The following MACO1 variants were observed in gnomAD, a reference collection of about 807,000 sequenced individuals.
MACO1 encodes the protein macoilin.
A neutral mutation model predicts 78.7 loss-of-function variants in MACO1; 14 were observed. The ratio of observed to expected loss-of-function variants is 0.18; its 90% confidence interval spans 0.12 to 0.28. MACO1 has a LOEUF of 0.28. MACO1 is among the 10% of genes least tolerant of loss of function. MACO1 has a pLI of 1.00. For missense variants in MACO1, 501 were observed against 799.0 expected (o/e 0.63, Z 4.50); for synonymous variants, 288 against 291.6 (o/e 0.99, Z 0.12).
At chr1:25,438,293 C>T (rs1375813066) in intron 1 of MACO1, among the ~76,000 whole-genome samples, 3 of 152,182 alleles carry the variant, frequency 2.0e-5, no homozygotes, top group Non-Finnish European at 4.4e-5. Context: ...ATTAGAAATT[C>T]ATTTCATAAG....
intron 1 of MACO1, among the ~76,000 whole-genome samples, chr1:25,435,635 C>G (rs1478935643): frequency 1.3e-5 from 2 of 152,166 alleles, no homozygotes; most frequent in African/African-American, 4.8e-5. Context: ...TACATGTGTT[C>G]TGCAACTGAA....
At chr1:25,431,403 G>T (rs1370461867) in intron 1 of MACO1, among the ~76,000 whole-genome samples, 1 of 147,618 alleles carries the variant, frequency 6.8e-6, no homozygotes, top group Non-Finnish European at 1.5e-5. Flanking sequence ...CGCGGCGGGC[G>T]CTGGCTGAGG....
chr1:25,460,794 G>A (rs1364989360), intron 6 of MACO1, among the ~76,000 whole-genome samples: 2 of 152,134 alleles, frequency 1.3e-5, no homozygotes, highest in African/African-American at 4.8e-5. Context: ...CACCTAAGGA[G>A]TATGCTGCTT....
At chr1:25,470,606 TAACA>T (rs1282796286) in intron 6 of MACO1, among the ~76,000 whole-genome samples, 3 of 152,178 alleles carry the variant, frequency 2.0e-5, no homozygotes, top group Admixed American at 2.0e-4. Flanking sequence ...GTGGGAAAGA[TAACA>T]AACAATTATC....
At chr1:25,490,759 T>C (rs1326210288) in intron 9 of MACO1, among the ~76,000 whole-genome samples, 1 of 152,176 alleles carries the variant, frequency 6.6e-6, no homozygotes, top group Non-Finnish European at 1.5e-5. Flanking sequence ...ATCATTTAGT[T>C]TTTAAAAGAC....
At chr1:25,493,292 G>A (rs2043503296) in intron 10 of MACO1, among the ~76,000 whole-genome samples, 1 of 152,184 alleles carries the variant, frequency 6.6e-6, no homozygotes, top group Non-Finnish European at 1.5e-5. Flanking sequence ...AGGCTGGAGT[G>A]CAGTGGCACA....
rs531519104 is a variant in MACO1 at position 25,437,362 on chromosome 1, G to T, written c.80+6184G>T. On this transcript the variant is annotated intron_variant, in intron 1 of 10. Transcript: ENST00000374343. ...TATAAAGATGGAGTCTCGCCGTGTT[G>T]TATAGGCTGGTCTTGAACTCCTGGG... 1.2e-4 allele frequency among the ~76,000 whole-genome samples: 15 copies of T among 127,192 alleles called. No individual in the cohort carries two copies. The South Asian group carries it at 1.8e-3, about 15-fold the overall frequency. The allele number at this position is 127,192 out of a possible 152,430, so 83.4% of individuals were successfully genotyped here. A position where few individuals can be genotyped will look rare whatever the true frequency, so the allele number is the denominator to read the frequency against.
intron 8 of MACO1, among the ~76,000 whole-genome samples, chr1:25,486,389 G>A (rs2043431950): frequency 6.6e-6 from 1 of 152,056 alleles, no homozygotes; most frequent in Admixed American, 6.6e-5. Flanking sequence ...GTACCCCTGT[G>A]TGCAAGTATT....
chr1:25,456,927 T>C (rs960649460), intron 5 of MACO1, 96 bp downstream of exon 5: 1 of 1,323,568 alleles, frequency 7.6e-7, no homozygotes, highest in Non-Finnish European at 1.0e-6. Context: ...TAGGATTTTG[T>C]TTTTTTCTGT....
intron 9 of MACO1, among the ~76,000 whole-genome samples, chr1:25,490,370 C>T (rs2043473953): frequency 6.6e-6 from 1 of 152,140 alleles, no homozygotes; most frequent in Non-Finnish European, 1.5e-5. Flanking sequence ...AATATAAACT[C>T]ACCAATCATC....
chr1:25,497,592 A>G (rs2043548961), intron 10 of MACO1, among the ~76,000 whole-genome samples: 3 of 152,132 alleles, frequency 2.0e-5, no homozygotes, highest in Admixed American at 6.5e-5. Flanking sequence ...GTGTGCTGGA[A>G]GGCTAAATAG....
At position 25,480,913 on chromosome 1, in the gene MACO1, T is replaced by TA. The variant is rs759266355; in HGVS notation, c.1155-3186dup. 1.8e-3 allele frequency among the ~76,000 whole-genome samples: 30 copies of TA among 16,220 alleles called. 2 individuals are homozygous for TA. The highest frequency in any genetic ancestry group is 6.3e-3 in the Admixed American group (6 of 948). 10.6% of individuals were successfully genotyped at this position (16,220 alleles called of 152,430 possible). On this transcript the variant is annotated intron_variant, in intron 6 of 10. Coordinates refer to ENST00000374343, the MANE Select transcript of MACO1 (RefSeq NM_018202.6). ...CCTGGGCAACAGAGTGAGACTTGGT[T>TA]AAAAAAAAAAAAAAAAATATATATA... is the stretch of plus-strand genomic sequence containing the variant.
intron 1 of MACO1, among the ~76,000 whole-genome samples, chr1:25,434,590 C>T (rs544654878): frequency 6.6e-6 from 1 of 152,260 alleles, no homozygotes; most frequent in African/African-American, 2.4e-5. Flanking sequence ...TTTTAGCTTA[C>T]TGTTTTAGTG....
intron 6 of MACO1, among the ~76,000 whole-genome samples, chr1:25,465,020 C>T (rs544753677): frequency 4.0e-5 from 6 of 150,010 alleles, no homozygotes; most frequent in Admixed American, 1.3e-4. Context: ...ACTATATTGC[C>T]CAAGCTGGTC....
At chr1:25,482,506 TC>T (rs775499647) in intron 6 of MACO1, among the ~76,000 whole-genome samples, 1 of 152,176 alleles carries the variant, frequency 6.6e-6, no homozygotes, top group Non-Finnish European at 1.5e-5. Context: ...CTATGGCTGT[TC>T]CTGCCTTTGA....
At position 25,449,081 on chromosome 1, in the gene MACO1, A is replaced by G. The variant is rs561466071; in HGVS notation, c.349+147A>G. The stretch of plus-strand genomic sequence containing the variant: ...CTTAATAGGTTATAATATACCTTCA[A>G]AAATATATATCTTTTTTCGTTATTT... On this transcript the variant is annotated intron_variant, in intron 3 of 10. Coordinates refer to ENST00000374343, the MANE Select transcript of MACO1 (RefSeq NM_018202.6). The G allele has an allele frequency of 6.5e-6, 4 of 611,910 alleles. No individual in the cohort carries two copies. The South Asian group carries it at 3.1e-4, about 47-fold the overall frequency. The allele number at this position is 611,910 out of a possible 1,614,324, so 37.9% of individuals were successfully genotyped here. A position where few individuals can be genotyped will look rare whatever the true frequency, so the allele number is the denominator to read the frequency against.
chr1:25,488,980 G>T (rs2043459685), intron 8 of MACO1, among the ~76,000 whole-genome samples, 193 bp from the exon 9 acceptor site: 1 of 151,924 alleles, frequency 6.6e-6, no homozygotes, highest in Non-Finnish European at 1.5e-5. Flanking sequence ...ACCATGCCCA[G>T]CCAATTTTTT....
At chr1:25,475,243 G>T (rs2124600826) in intron 6 of MACO1, among the ~76,000 whole-genome samples, 1 of 152,260 alleles carries the variant, frequency 6.6e-6, no homozygotes, top group East Asian at 1.9e-4. Flanking sequence ...TACTCGGGAG[G>T]CTGAGGCAGG....
intron 4 of MACO1, among the ~76,000 whole-genome samples, chr1:25,455,518 C>A (rs1331108888): frequency 6.6e-6 from 1 of 152,132 alleles, no homozygotes; most frequent in Non-Finnish European, 1.5e-5. Flanking sequence ...AGTGAGACCA[C>A]ATTTAGACTA....
Sources: gnomAD v4.1 joint callset for allele counts (sites outside exome capture counted in the v4.1 genomes callset) on GRCh38, gnomAD v4.1.1 for gene constraint, MANE v1.5 for transcripts, NCBI Gene and HGNC (gene_info 2026-07-23, HGNC 2026-07-21) for gene names.